Variants in ACSS2 observed in about 807,000 individuals in gnomAD.
ACSS2 encodes acyl-CoA synthetase short chain family member 2.
In ACSS2, 58 loss-of-function variants were observed where a neutral mutation model predicts 90.6. The ratio of observed to expected loss-of-function variants is 0.64; its 90% CI spans 0.52 to 0.80. The LOEUF is 0.80. Among genes scored for constraint, ACSS2 ranks in the 30% least tolerant of loss-of-function variants. The pLI is 0.00. For synonymous variants in ACSS2, 300 were observed against 330.9 expected, an observed-to-expected ratio of 0.91 and a Z score of 1.01; for missense variants, 759 against 912.0, an observed-to-expected ratio of 0.83 and a Z score of 2.16.
chr20:34,916,439 G>A (rs958291919), intron 7 of ACSS2, among the ~76,000 whole-genome samples: 2 of 152,158 alleles, frequency 1.3e-5, no homozygotes, highest in Non-Finnish European at 2.9e-5. Context: ...AATGTTAGCT[G>A]TTTTTTCCTT....
chr20:34,877,883 G>A (rs1352971702), intron 1 of ACSS2, among the ~76,000 whole-genome samples: 1 of 147,370 alleles, frequency 6.8e-6, no homozygotes, highest in Non-Finnish European at 1.5e-5. Flanking sequence ...CTTGCCCTCA[G>A]TCTGGGTAAA....
chr20:34,909,469 C>T (rs1024010130), intron 2 of ACSS2, among the ~76,000 whole-genome samples: 2 of 152,078 alleles, frequency 1.3e-5, no homozygotes, highest in Non-Finnish European at 2.9e-5. Context: ...TCAAGATGAT[C>T]AATTTCTACA....
rs1307439594 is a variant in ACSS2 at position 34,921,083 on chromosome 20, C to T, written c.1221C>T (p.Tyr407=). ...ACAAATACAAGGTGACCAAGTTCTACACAGCACCCACAGCCATCCGTCTGC... is the reference window on the plus strand; with the variant it reads ...ACAAATACAAGGTGACCAAGTTCTATACAGCACCCACAGCCATCCGTCTGC... ...IVDKYKVTKF[Y]TAPTAIRLLM... The change falls in exon 10 of 18, where the codon TAC becomes TAT. Residue 407 remains tyrosine (Y), a synonymous_variant. Coordinates refer to ENST00000360596, the MANE Select transcript of ACSS2 (RefSeq NM_018677.4). 6.2e-7 allele frequency: 1 copy of T among 1,614,084 alleles called. No homozygotes were observed. Among genetic ancestry groups the T allele is most frequent in the Non-Finnish European group, 8.5e-7 (1 of 1,180,038 alleles).
At chr20:34,924,142 G>C (rs1314403959) in intron 14 of ACSS2, among the ~76,000 whole-genome samples, 1 of 152,130 alleles carries the variant, frequency 6.6e-6, no homozygotes, top group Non-Finnish European at 1.5e-5. Flanking sequence ...ATTATGTCAT[G>C]TTTGTCTTTA....
chr20:34,925,546 G>A (rs1045592502), intron 14 of ACSS2, 152 bp from the exon 15 acceptor site: 17 of 698,460 alleles, frequency 2.4e-5, no homozygotes, highest in Non-Finnish European at 4.1e-5. Context: ...GAGATCAGTG[G>A]TGCCCTCTTG....
chr20:34,880,246 T>C (rs2080037972), intron 1 of ACSS2, among the ~76,000 whole-genome samples: 1 of 152,188 alleles, frequency 6.6e-6, no homozygotes, highest in African/African-American at 2.4e-5. Context: ...GAGAAAAGGG[T>C]ATAAAAAGTT....
At chr20:34,908,670 T>G in intron 2 of ACSS2, 1 of 240,964 alleles carries the variant, frequency 4.2e-6, no homozygotes, top group South Asian at 4.6e-5. Flanking sequence ...AAGACCAACC[T>G]GACCAACATG....
At chr20:34,911,249 A>T (rs2378293) in intron 2 of ACSS2, among the ~76,000 whole-genome samples, 1 of 148,872 alleles carries the variant, frequency 6.7e-6, no homozygotes, top group Non-Finnish European at 1.5e-5. Context: ...GTACAGTGGC[A>T]CAATCTTGGC....
chr20:34,920,744 G>A, intron 9 of ACSS2, 35 bp downstream of exon 9: 3 of 1,587,704 alleles, frequency 1.9e-6, no homozygotes, highest in Non-Finnish European at 2.6e-6. Flanking sequence ...GCTGGGGGAT[G>A]GACAAGATTA....
chr20:34,927,109 T>C lies in ACSS2; in HGVS notation c.2001T>C (p.Leu667=). 1 of 1,614,068 alleles carries C rather than the reference T, an allele frequency of 6.2e-7. No individual in the cohort carries two copies. ...CAGGGAAAATCATGAGGCGAGTGCT[T>C]CGGAAGATTGCTCAGAATGACCATG... ...TRSGKIMRRV[L]RKIAQNDHDL... is the part of the protein sequence containing the mutation. The change falls in exon 18 of 18, where the codon CTT becomes CTC. Residue 667 remains leucine, a synonymous_variant. Coordinates refer to ENST00000360596, the MANE Select transcript of ACSS2 (RefSeq NM_018677.4). The surrounding 1 kb of genome is among the most constrained non-coding windows in gnomAD (Gnocchi z 4.2).
At chr20:34,882,665 A>ATT in intron 1 of ACSS2, 129 bp from the exon 2 acceptor site, 1 of 764,606 alleles carries the variant, frequency 1.3e-6, no homozygotes, top group South Asian at 1.9e-5. Context: ...ACAGGTAAAG[A>ATT]AGGGACCCAG....
At chr20:34,920,828 A>G in intron 9 of ACSS2, 119 bp downstream of exon 9, 2 of 1,466,024 alleles carry the variant, frequency 1.4e-6, no homozygotes, top group East Asian at 4.6e-5. Flanking sequence ...TTTTCTGGAG[A>G]AAGAGAAGTC....
intron 2 of ACSS2, among the ~76,000 whole-genome samples, chr20:34,888,809 C>T (rs1188834197): frequency 6.6e-6 from 1 of 152,026 alleles, no homozygotes; most frequent in Non-Finnish European, 1.5e-5. Context: ...GGGAAATGTT[C>T]CAGGTAGGTG....
chr20:34,903,632 C>G (rs2080724749), intron 2 of ACSS2, among the ~76,000 whole-genome samples: 1 of 152,144 alleles, frequency 6.6e-6, no homozygotes, highest in Non-Finnish European at 1.5e-5. Flanking sequence ...TCTCCTCCAT[C>G]TGATTCCTCT....
At chr20:34,900,457 G>A (rs997272638) in intron 2 of ACSS2, among the ~76,000 whole-genome samples, 5 of 152,018 alleles carry the variant, frequency 3.3e-5, no homozygotes, top group African/African-American at 9.7e-5. Context: ...TTACAGGCAT[G>A]TGCTACTGCA....
chr20:34,926,882 G>T lies in ACSS2; in HGVS notation c.1909G>T (p.Glu637Ter). Residue 637 changes from glutamate to a stop codon, truncating the protein, a stop_gained, in exon 17 of 18, where the codon GAA becomes TAA. Coordinates refer to ENST00000360596, the MANE Select transcript of ACSS2 (RefSeq NM_018677.4). LOFTEE classifies it high-confidence loss of function. ...LTEELKKQIR[E>*]KIGPIATPDY... ...TGATGATTTGTTGGTTACAGTTAGAGAAAAGATTGGCCCCATTGCCACACC... is the reference window on the plus strand; with the variant it reads ...TGATGATTTGTTGGTTACAGTTAGATAAAAGATTGGCCCCATTGCCACACC... 6.2e-7 allele frequency: 1 copy of T among 1,614,146 alleles called. No homozygotes were observed. Among genetic ancestry groups the T allele is most frequent in the Non-Finnish European group, 8.5e-7 (1 of 1,180,032 alleles).
intron 2 of ACSS2, among the ~76,000 whole-genome samples, chr20:34,886,274 T>C (rs2080189635): frequency 6.6e-6 from 1 of 152,178 alleles, no homozygotes; most frequent in Admixed American, 6.5e-5. Context: ...AATAGCATAC[T>C]GTGGTTATAT....
chr20:34,906,951 T>C (rs1601338300), intron 2 of ACSS2, among the ~76,000 whole-genome samples: 1 of 116,548 alleles, frequency 8.6e-6, no homozygotes, highest in Non-Finnish European at 1.6e-5. Flanking sequence ...ACTATTGCAC[T>C]CCAGCCTGGG....
chr20:34,875,793 C>T (rs757221235), upstream of ACSS2: 1 of 152,666 alleles, frequency 6.6e-6, no homozygotes, highest in African/African-American at 2.4e-5. Context: ...AGGAGGTGGG[C>T]TTATTACAAA....
Sources: gnomAD v4.1 joint callset for allele counts (sites outside exome capture counted in the v4.1 genomes callset) on GRCh38, gnomAD v4.1.1 for gene constraint, Gnocchi (gnomAD v3.1) non-coding constraint, MANE v1.5 for transcripts, NCBI Gene and HGNC (gene_info 2026-07-23, HGNC 2026-07-21) for gene names.